The following RTL4 variants were observed in gnomAD, a reference collection of about 807,000 sequenced individuals.
RTL4 encodes the protein retrotransposon Gag like 4.
Under a neutral mutation model 5.3 loss-of-function variants are expected in RTL4, and 4 were observed. The observed-to-expected ratio is 0.75, with a 90% CI of 0.37 to 1.72. The LOEUF (loss-of-function observed/expected upper bound fraction) is 1.72. Among genes scored for constraint, RTL4 ranks in the 40% most tolerant of loss-of-function variants. The pLI, the probability that RTL4 is intolerant of heterozygous loss-of-function variation, is 0.04. For synonymous variants in RTL4, 98 were observed against 87.3 expected, an observed-to-expected ratio of 1.12 and a Z score of -0.68; for missense variants, 260 against 227.1, an observed-to-expected ratio of 1.14 and a Z score of -0.93.
At chrX:112,198,254 A>C in the RTL4 span, among the ~76,000 whole-genome samples, 1 of 111,123 alleles carries the variant, frequency 9.0e-6, no homozygotes, top group South Asian at 3.8e-4. Context: ...CTGGTTTATT[A>C]TCTCTCTCTC....
chrX:112,168,959 C>CTT, the RTL4 span, among the ~76,000 whole-genome samples: 1 of 102,168 alleles, frequency 9.8e-6, no homozygotes, highest in Non-Finnish European at 2.0e-5. Flanking sequence ...TTCTTTCTTT[C>CTT]TTTCTTTTTC....
the RTL4 span, among the ~76,000 whole-genome samples, chrX:112,129,094 C>A: frequency 8.9e-6 from 1 of 111,803 alleles, no homozygotes; most frequent in East Asian, 2.8e-4. Context: ...AGATATTCAA[C>A]ATCATTAGTT....
exon 1 of RTL4, chrX:112,455,740 A>G: frequency 3.1e-6 from 3 of 957,365 alleles, no homozygotes; most frequent in Non-Finnish European, 4.2e-6. Context: ...TTTAAAATAC[A>G]GATGGGGAAC....
At chrX:112,148,304 T>A in the RTL4 span, among the ~76,000 whole-genome samples, 1 of 101,637 alleles carries the variant, frequency 9.8e-6, no homozygotes, top group East Asian at 3.1e-4. Flanking sequence ...CCCAATGTGA[T>A]CTAACTGCCA....
the RTL4 span, among the ~76,000 whole-genome samples, chrX:112,315,839 A>T: frequency 0.22 from 24,434 of 111,031 alleles, 2,077 homozygotes; most frequent in Admixed American, 0.32. Flanking sequence ...TCACTCTCCC[A>T]GGGACAAGCA....
the RTL4 span, among the ~76,000 whole-genome samples, chrX:112,217,516 C>T: frequency 8.9e-6 from 1 of 111,922 alleles, no homozygotes; most frequent in Non-Finnish European, 1.9e-5. Context: ...TTTCTGTATG[C>T]TCTCACTCAA....
At chrX:112,230,897 T>C in the RTL4 span, among the ~76,000 whole-genome samples, 1 of 111,040 alleles carries the variant, frequency 9.0e-6, no homozygotes, top group Non-Finnish European at 1.9e-5. Flanking sequence ...AACAACCCCA[T>C]CAAAAAGTGT....
the RTL4 span, among the ~76,000 whole-genome samples, chrX:112,413,318 G>C: frequency 1.8e-5 from 2 of 111,288 alleles, no homozygotes; most frequent in African/African-American, 6.5e-5. Context: ...CCTGAAAATT[G>C]AGCTATCATG....
chrX:112,216,271 T>C, the RTL4 span, among the ~76,000 whole-genome samples: 22 of 111,607 alleles, frequency 2.0e-4, no homozygotes, highest in African/African-American at 6.8e-4. Flanking sequence ...GAAGTAGAAC[T>C]CTTTGGCCTC....
the RTL4 span, among the ~76,000 whole-genome samples, chrX:112,255,328 A>G: frequency 8.9e-6 from 1 of 112,154 alleles, no homozygotes; most frequent in Admixed American, 9.5e-5. Context: ...TGTTTTAGAA[A>G]GAACATTCTG....
chrX:112,099,486 C>T, the RTL4 span, among the ~76,000 whole-genome samples: 25 of 111,075 alleles, frequency 2.3e-4, no homozygotes, highest in African/African-American at 8.2e-4. Context: ...AGTACTCTAT[C>T]CAGAGGGAAC....
At chrX:112,454,806 G>A (rs1350685643) in exon 1 of RTL4, 10 of 1,209,810 alleles carry the variant, frequency 8.3e-6, no homozygotes, top group Non-Finnish European at 1.1e-5. Flanking sequence ...TGATTCTGCG[G>A]CTTCAAATGC....
chrX:112,086,259 T>C, the RTL4 span, among the ~76,000 whole-genome samples: 1 of 112,542 alleles, frequency 8.9e-6, no homozygotes, highest in Non-Finnish European at 1.9e-5. Context: ...GTCATAACAC[T>C]GTATCCAGCA....
chrX:112,256,300 G>A, the RTL4 span, among the ~76,000 whole-genome samples: 1 of 111,457 alleles, frequency 9.0e-6, no homozygotes, highest in African/African-American at 3.3e-5. Flanking sequence ...TGCCCTGAAA[G>A]AACCATTGTT....
chrX:112,451,016 ATT>A (rs769248843), upstream of RTL4, among the ~76,000 whole-genome samples: 1 of 111,163 alleles, frequency 9.0e-6, no homozygotes, highest in Non-Finnish European at 1.9e-5. Flanking sequence ...CTATTCAGAC[ATT>A]TTTTTTCCCT....
At chrX:112,389,753 T>C in the RTL4 span, among the ~76,000 whole-genome samples, 3 of 110,334 alleles carry the variant, frequency 2.7e-5, no homozygotes, top group Non-Finnish European at 5.7e-5. Flanking sequence ...TATTGTCCTG[T>C]GGTCTGAGAA....
chrX:112,201,646 GA>G, the RTL4 span, among the ~76,000 whole-genome samples: 5 of 109,050 alleles, frequency 4.6e-5, no homozygotes, highest in South Asian at 1.2e-3. Context: ...AATAGCTTCT[GA>G]AAAAAAAATT....
At chrX:112,265,811 T>C in the RTL4 span, among the ~76,000 whole-genome samples, 1 of 107,713 alleles carries the variant, frequency 9.3e-6, no homozygotes, top group African/African-American at 3.4e-5. Context: ...TCCTCCTCCA[T>C]GCATAACCTT....
the RTL4 span, among the ~76,000 whole-genome samples, chrX:112,205,481 G>C: frequency 9.0e-6 from 1 of 111,546 alleles, no homozygotes; most frequent in Non-Finnish European, 1.9e-5. Flanking sequence ...AACAAAGTTT[G>C]AATCCAATTC....
Sources: allele counts gnomAD v4.1 joint callset (sites outside exome capture counted in the v4.1 genomes callset), GRCh38; gene constraint gnomAD v4.1.1; transcripts MANE v1.5; gene names NCBI Gene and HGNC (gene_info 2026-07-23, HGNC 2026-07-21).